PXYLP1: variants seen among roughly 807,000 people sequenced by gnomAD.
PXYLP1 encodes the protein 2-phosphoxylose phosphatase 1.
In PXYLP1, 17 loss-of-function variants were observed where a neutral mutation model predicts 37.9. The ratio of observed to expected loss-of-function variants is 0.45; its 90% CI spans 0.31 to 0.67. The LOEUF (loss-of-function observed/expected upper bound fraction) is 0.67, where lower values mean the gene tolerates loss of function less well. Ranked by LOEUF, PXYLP1 falls within the 30% of genes least tolerant of loss-of-function variation. The probability of loss-of-function intolerance (pLI) is 0.07; values close to 1 mark genes in which losing one functional copy is unlikely to be tolerated. For missense variants in PXYLP1, 511 were observed against 612.0 expected (o/e 0.84, Z 1.74); for synonymous variants, 221 against 232.2 (o/e 0.95, Z 0.44).
chr3:141,232,244 G>T (rs1940534452), intron 1 of PXYLP1: 1 of 151,562 alleles, frequency 6.6e-6, no homozygotes, highest in African/African-American at 2.4e-5. Context: ...CGCCCGCTGC[G>T]AACCCCCGGC....
At chr3:141,287,659 A>T (rs1942107676) in intron 5 of PXYLP1, among the ~76,000 whole-genome samples, 1 of 152,214 alleles carries the variant, frequency 6.6e-6, no homozygotes, top group Admixed American at 6.5e-5. Flanking sequence ...TTACAAAAAC[A>T]ATACGTGTTC....
Position 141,236,114 on chromosome 3 carries a change from C to T in PXYLP1, c.-54+4203C>T, listed in dbSNP as rs145748804. ...CCACAGTCATCTGTGCATGCGTCTGCCCCTCCCTCCATCAGTGGAGCTCCC... is the reference window on the plus strand; with the variant it reads ...CCACAGTCATCTGTGCATGCGTCTGTCCCTCCCTCCATCAGTGGAGCTCCC... On this transcript the variant is annotated intron_variant, in intron 1 of 5. Coordinates refer to ENST00000286353, the MANE Select transcript of PXYLP1 (RefSeq NM_001037172.3). Among the ~76,000 whole-genome samples, 224 of 152,318 alleles carry T rather than the reference C, an allele frequency of 1.5e-3. 1 individual carries two copies. The highest frequency in any genetic ancestry group is 4.6e-3 in the African/African-American group (191 of 41,570).
chr3:141,273,978 C>T, intron 2 of PXYLP1: 2 of 985,774 alleles, frequency 2.0e-6, no homozygotes, highest in African/African-American at 1.7e-5. Context: ...ATCTATTTAT[C>T]TGCCCACTAT....
At chr3:141,258,188 CG>C (rs1941307301) in intron 1 of PXYLP1, among the ~76,000 whole-genome samples, 1 of 152,170 alleles carries the variant, frequency 6.6e-6, no homozygotes, top group African/African-American at 2.4e-5. Context: ...CATCAGAAAC[CG>C]GGGGTGGATG....
At chr3:141,244,911 A>G (rs563717011) in intron 1 of PXYLP1, among the ~76,000 whole-genome samples, 1 of 151,940 alleles carries the variant, frequency 6.6e-6, no homozygotes, top group Non-Finnish European at 1.5e-5. Flanking sequence ...TCCCCTTCAC[A>G]GATACTATTC....
In PXYLP1 at chr3:141,279,522, TAA is replaced by T; in HGVS notation, c.365+21_365+22del. The T allele has an allele frequency of 6.2e-7, 1 of 1,614,104 alleles. No homozygotes were observed. The highest frequency in any genetic ancestry group is 8.5e-7 in the Non-Finnish European group (1 of 1,179,946). The stretch of plus-strand genomic sequence containing the variant: ...GCTAACAGGTAAATTGCACTTTTTC[TAA>T]AAGTCATTTTCAAGTGTCTGTTATA... On this transcript the variant is annotated intron_variant, in intron 4 of 5. Coordinates refer to ENST00000286353, the MANE Select transcript of PXYLP1 (RefSeq NM_001037172.3).
At chr3:141,249,439 T>C (rs1322961796) in intron 1 of PXYLP1, among the ~76,000 whole-genome samples, 1 of 150,368 alleles carries the variant, frequency 6.7e-6, no homozygotes, top group Non-Finnish European at 1.5e-5. Context: ...TGATTTACAT[T>C]GCACAGCTAT....
At position 141,248,867 on chromosome 3, in the gene PXYLP1, G is replaced by GTATA. The variant is rs72300722; in HGVS notation, c.-53-11246_-53-11243dup. ...TATACACACGTATATATATACACAC[G>GTATA]TATATATATATATGGAGAGAGAGAC... is the stretch of plus-strand genomic sequence containing the variant. On this transcript the variant is annotated intron_variant, in intron 1 of 5. Coordinates refer to ENST00000286353, the MANE Select transcript of PXYLP1 (RefSeq NM_001037172.3). 5.1e-4 allele frequency among the ~76,000 whole-genome samples: 35 copies of GTATA among 68,426 alleles called. 4 individuals are homozygous for GTATA. Among genetic ancestry groups the GTATA allele is most frequent in the Non-Finnish European group, 8.1e-4 (27 of 33,336 alleles). The allele number at this position is 68,426 out of a possible 152,430, so 44.9% of individuals were successfully genotyped here.
intron 1 of PXYLP1, among the ~76,000 whole-genome samples, chr3:141,255,200 G>A (rs1348940383): frequency 6.6e-6 from 1 of 152,122 alleles, no homozygotes; most frequent in African/African-American, 2.4e-5. Flanking sequence ...GAGTTAGCTG[G>A]GTTTTCTGTT....
At chr3:141,240,343 A>G (rs897326687) in intron 1 of PXYLP1, among the ~76,000 whole-genome samples, 17 of 152,158 alleles carry the variant, frequency 1.1e-4, no homozygotes, top group Admixed American at 9.2e-4. Flanking sequence ...TTTTGCTCAC[A>G]CACAGTCCAA....
Position 141,286,198 on chromosome 3 carries a change from A to T in PXYLP1, c.366-1116A>T, listed in dbSNP as rs181616817. Among the ~76,000 whole-genome samples, 352 of 152,350 alleles carry T rather than the reference A, an allele frequency of 2.3e-3. 2 individuals carry two copies. Among genetic ancestry groups the T allele is most frequent in the Non-Finnish European group, 3.4e-3 (228 of 68,038 alleles). ...GGCTACTTCATTATTCAAAGAAAAGATGTTTATATTCATAGGTCATTTCAT... is the reference window on the plus strand; with the variant it reads ...GGCTACTTCATTATTCAAAGAAAAGTTGTTTATATTCATAGGTCATTTCAT... On this transcript the variant is annotated intron_variant, in intron 4 of 5. Transcript: ENST00000286353.
Position 141,292,319 on chromosome 3 carries a change from A to G in PXYLP1, c.557A>G (p.Lys186Arg). 2 of 1,612,738 alleles carry G rather than the reference A, an allele frequency of 1.2e-6. No homozygotes were observed. Among genetic ancestry groups the G allele is most frequent in the Non-Finnish European group, 1.7e-6 (2 of 1,179,516 alleles). Residue 186 changes from lysine (K) to arginine (R), a missense_variant, in exon 6 of 6, where the codon AAG (lysine) becomes AGG (arginine). Coordinates refer to ENST00000286353, the MANE Select transcript of PXYLP1 (RefSeq NM_001037172.3). The surrounding 1 kb of genome is among the most constrained non-coding windows in gnomAD (Gnocchi z 4.3). ...CAGCTGCTGAGGGATATCTATCTAA[A>G]GAAACACAAACTCCTGCCCAATGAT... The part of the protein sequence containing the change: ...NGQLLRDIYL[K>R]KHKLLPNDWS...
Position 141,292,816 on chromosome 3 carries a change from A to G in PXYLP1, c.1054A>G (p.Ile352Val). 1 of 1,613,984 alleles carries G rather than the reference A, an allele frequency of 6.2e-7. No individual in the cohort carries two copies. The highest frequency in any genetic ancestry group is 1.1e-5 in the South Asian group (1 of 91,040). The change falls in exon 6 of 6, where the codon ATC (isoleucine) becomes GTC (valine). Residue 352 changes from isoleucine (I) to valine (V), a missense_variant. Physicochemically the swap from Ile to Val is conservative, Grantham distance 29. Coordinates refer to ENST00000286353, the MANE Select transcript of PXYLP1 (RefSeq NM_001037172.3). This position sits in a 1 kb window ranked among gnomAD's most constrained non-coding sequence, Gnocchi z 4.3. ...GTATTCTCTCCTGGGTGCCCACCCC[A>G]TCCTGAACCAAACCATCGGCCGGAT... ...FGYSLLGAHP[I>V]LNQTIGRMQR...
intron 1 of PXYLP1, among the ~76,000 whole-genome samples, chr3:141,244,491 C>T (rs4683587): frequency 0.22 from 33,019 of 151,168 alleles, 5,019 homozygotes; most frequent in African/African-American, 0.43. Context: ...AGCCATCTCC[C>T]GCTAGACCTT....
intron 2 of PXYLP1, chr3:141,272,922 G>A (rs1576596587): frequency 4.3e-6 from 4 of 923,316 alleles, no homozygotes; most frequent in Admixed American, 1.2e-4. Context: ...ACACACCAAG[G>A]AGCAATACTT....
intron 3 of PXYLP1, 67 bp downstream of exon 3, chr3:141,278,567 A>G: frequency 6.4e-7 from 1 of 1,571,060 alleles, no homozygotes; most frequent in Non-Finnish European, 8.7e-7. Context: ...AGCATTGCAC[A>G]GCAGTAAGGA....
intron 1 of PXYLP1, among the ~76,000 whole-genome samples, chr3:141,259,330 G>A (rs911286631): frequency 2.6e-5 from 4 of 151,798 alleles, no homozygotes; most frequent in African/African-American, 7.3e-5. Context: ...AAATCCCAAA[G>A]AGAACCAGGA....
At chr3:141,290,095 G>A (rs1186696933) in intron 5 of PXYLP1, among the ~76,000 whole-genome samples, 1 of 152,034 alleles carries the variant, frequency 6.6e-6, no homozygotes, top group African/African-American at 2.4e-5. Context: ...TTTTGTCCCT[G>A]GTGCACTTAC....
At chr3:141,248,023 GTTT>G (rs55888415) in intron 1 of PXYLP1, among the ~76,000 whole-genome samples, 1 of 122,900 alleles carries the variant, frequency 8.1e-6, no homozygotes, top group Non-Finnish European at 1.6e-5. Flanking sequence ...TTTTTGTTTT[GTTT>G]TTTTTTTTTT....
Sources: gnomAD v4.1 joint callset for allele counts (sites outside exome capture counted in the v4.1 genomes callset) on GRCh38, gnomAD v4.1.1 for gene constraint, Gnocchi (gnomAD v3.1) non-coding constraint, MANE v1.5 for transcripts, NCBI Gene and HGNC (gene_info 2026-07-23, HGNC 2026-07-21) for gene names.